The following GLRX3 variants were observed in gnomAD, a reference collection of about 807,000 sequenced individuals.
The protein encoded by GLRX3 is glutaredoxin 3, also known as glutaredoxin-3.
In GLRX3, 22 loss-of-function variants were observed where a neutral mutation model predicts 49.5. The ratio of observed to expected loss-of-function variants is 0.44; its 90% CI spans 0.32 to 0.63. The LOEUF is 0.63. Among genes scored for constraint, GLRX3 ranks in the 30% least tolerant of loss-of-function variants. GLRX3 has a pLI of 0.05. For synonymous variants in GLRX3, 133 were observed against 140.0 expected (o/e 0.95, Z 0.35); for missense variants, 385 against 396.3 (o/e 0.97, Z 0.24).
At chr10:130,156,654 C>T (rs947791263) in intron 2 of GLRX3, among the ~76,000 whole-genome samples, 5 of 152,164 alleles carry the variant, frequency 3.3e-5, no homozygotes, top group Non-Finnish European at 7.3e-5. Flanking sequence ...AGCTATTCGC[C>T]GTTACTGTCA....
intron 7 of GLRX3, among the ~76,000 whole-genome samples, chr10:130,169,950 TGAA>T (rs1862772937): frequency 6.6e-6 from 1 of 152,222 alleles, no homozygotes; most frequent in African/African-American, 2.4e-5. Flanking sequence ...GATGAATGAG[TGAA>T]ATGGTCAGCA....
intron 2 of GLRX3, chr10:130,159,719 C>A (rs752470544): frequency 5.5e-6 from 5 of 916,782 alleles, no homozygotes; most frequent in Non-Finnish European, 7.0e-6. Flanking sequence ...TACTAGGTCA[C>A]TAGTGCACCA....
At chr10:130,172,800 G>A (rs1259734817) in intron 8 of GLRX3, among the ~76,000 whole-genome samples, 1 of 152,090 alleles carries the variant, frequency 6.6e-6, no homozygotes, top group Non-Finnish European at 1.5e-5. Context: ...AAATTAGCCG[G>A]GTGCGGTGGC....
At position 130,160,848 on chromosome 10, in the gene GLRX3, A is replaced by C; in HGVS notation, c.329A>C (p.Lys110Thr). The change falls in exon 4 of 11, where the codon AAA (lysine) becomes ACA (threonine). Residue 110 changes from lysine (K) to threonine (T), a missense_variant. Lys to Thr is a moderately conservative substitution (Grantham distance 78). This residue lies in a region of GLRX3 where 374 missense variants were observed against 358.6 expected (regional missense o/e 1.04). Coordinates refer to ENST00000331244, the MANE Select transcript of GLRX3 (RefSeq NM_006541.5). ...GGTGCACATGCCCCAGAGTTGACCAAAAAAGTTCAGCGACATGCATCTAGT... is the reference window on the plus strand; with the variant it reads ...GGTGCACATGCCCCAGAGTTGACCACAAAAGTTCAGCGACATGCATCTAGT... Reference protein sequence around the residue: ...LDGAHAPELTKKVQRHASSGS... With the variant: ...LDGAHAPELTTKVQRHASSGS... The C allele has an allele frequency of 6.2e-7, 1 of 1,611,976 alleles. No homozygotes were observed. Among genetic ancestry groups the C allele is most frequent in the Non-Finnish European group, 8.5e-7 (1 of 1,178,002 alleles).
At chr10:130,137,051 G>A (rs1862069647) in intron 1 of GLRX3, among the ~76,000 whole-genome samples, 1 of 151,994 alleles carries the variant, frequency 6.6e-6, no homozygotes, top group Non-Finnish European at 1.5e-5. Flanking sequence ...AGCGGCGAGG[G>A]AAGGCCCCGT....
intron 1 of GLRX3, among the ~76,000 whole-genome samples, chr10:130,138,036 A>G (rs991969860): frequency 3.3e-5 from 5 of 151,968 alleles, no homozygotes; most frequent in Admixed American, 1.3e-4. Context: ...ACGTCCGGCC[A>G]GAAATGCTTA....
intron 2 of GLRX3, among the ~76,000 whole-genome samples, chr10:130,147,505 G>C (rs1267835593): frequency 6.6e-6 from 1 of 152,166 alleles, no homozygotes; most frequent in African/African-American, 2.4e-5. Flanking sequence ...GGGTTGTGGG[G>C]GATACCTGAG....
At position 130,179,485 on chromosome 10, in the gene GLRX3, A is replaced by G; in HGVS notation, c.*93A>G. ...TAGTCCTCAGAAATGGACTAGGAAT[A>G]GAAAATTCCTGCTTTCTCAGTTACA... On this transcript the variant is annotated 3_prime_UTR_variant, in exon 11 of 11. Coordinates refer to ENST00000331244, the MANE Select transcript of GLRX3 (RefSeq NM_006541.5). 1.4e-6 allele frequency: 1 copy of G among 703,614 alleles called. No individual in the cohort carries two copies. Among genetic ancestry groups the G allele is most frequent in the East Asian group, 2.8e-5 (1 of 35,134 alleles). The allele number at this position is 703,614 out of a possible 1,614,324, so 43.6% of individuals were successfully genotyped here.
At chr10:130,148,880 T>C (rs1405624235) in intron 2 of GLRX3, among the ~76,000 whole-genome samples, 2 of 151,794 alleles carry the variant, frequency 1.3e-5, no homozygotes, top group African/African-American at 4.8e-5. Context: ...CTGGGCAACA[T>C]AGGGAGACTT....
intron 2 of GLRX3, among the ~76,000 whole-genome samples, chr10:130,154,118 A>G (rs1295064420): frequency 2.6e-5 from 4 of 152,218 alleles, no homozygotes; most frequent in Admixed American, 6.5e-5. Context: ...GCAAGGCTCC[A>G]TGGGTGTGGG....
intron 2 of GLRX3, among the ~76,000 whole-genome samples, chr10:130,154,325 C>T (rs1176525810): frequency 2.0e-5 from 3 of 152,166 alleles, no homozygotes; most frequent in Admixed American, 6.5e-5. Flanking sequence ...TTTGGCTCGC[C>T]CTCCATGGGC....
At chr10:130,158,096 G>A (rs1418051321) in intron 2 of GLRX3, among the ~76,000 whole-genome samples, 1 of 152,176 alleles carries the variant, frequency 6.6e-6, no homozygotes, top group Non-Finnish European at 1.5e-5. Flanking sequence ...CTGATTGAGT[G>A]GAGGCAGTTG....
rs755686208 is a variant in GLRX3 at position 130,166,472 on chromosome 10, GAAGTT to G, written c.479-30_479-26del. 28 of 1,540,794 alleles carry G rather than the reference GAAGTT, an allele frequency of 1.8e-5. No homozygotes were observed. In the Admixed American group the frequency reaches 1.8e-4, roughly 10 times the overall value. On this transcript the variant is annotated intron_variant, in intron 4 of 10. Transcript: ENST00000331244. ...TCATGTGTATGTGTTTTGGGAGAGA[GAAGTT>G]AAGTGCTTTATTTCTTTTTTTGTGT...
At chr10:130,172,983 T>G (rs1372448185) in intron 8 of GLRX3, among the ~76,000 whole-genome samples, 1 of 152,214 alleles carries the variant, frequency 6.6e-6, no homozygotes, top group African/African-American at 2.4e-5. Flanking sequence ...CTATGACATT[T>G]TATAGAAGCA....
intron 2 of GLRX3, among the ~76,000 whole-genome samples, chr10:130,154,218 A>AT (rs1428241353): frequency 6.6e-6 from 1 of 152,178 alleles, no homozygotes; most frequent in Non-Finnish European, 1.5e-5. Context: ...GAAGTGTACC[A>AT]TTCCTTCAGG....
At chr10:130,174,686 G>A (rs1862879727) in intron 8 of GLRX3, among the ~76,000 whole-genome samples, 181 bp from the exon 9 acceptor site, 1 of 152,184 alleles carries the variant, frequency 6.6e-6, no homozygotes, top group African/African-American at 2.4e-5. Context: ...TCATATGTTG[G>A]AATGACTAAT....
intron 6 of GLRX3, among the ~76,000 whole-genome samples, chr10:130,168,311 C>T (rs902429045): frequency 1.3e-5 from 2 of 152,156 alleles, no homozygotes; most frequent in Admixed American, 1.3e-4. Context: ...GTTGGGTTGT[C>T]AGGGTCAGCA....
chr10:130,166,981 G>T lies in GLRX3; in HGVS notation c.713+1G>T. The T allele has an allele frequency of 6.4e-7, 1 of 1,560,288 alleles. No homozygotes were observed. The highest frequency in any genetic ancestry group is 8.8e-7 in the Non-Finnish European group (1 of 1,139,418). On this transcript the variant is annotated splice_donor_variant, in intron 6 of 10. Transcript: ENST00000331244. LOFTEE classifies it high-confidence loss of function. ...CCAAAGCTCCCAAATTAGAGGAAAGGTAAGTGTTTTAGAAGGTTTCAAATA... is the reference window on the plus strand; with the variant it reads ...CCAAAGCTCCCAAATTAGAGGAAAGTTAAGTGTTTTAGAAGGTTTCAAATA...
chr10:130,158,830 G>C (rs1003189595), intron 2 of GLRX3, among the ~76,000 whole-genome samples: 43 of 152,020 alleles, frequency 2.8e-4, no homozygotes, highest in Non-Finnish European at 3.8e-4. Flanking sequence ...TTTCATATAA[G>C]TACATTTTAA....
Sources: gnomAD v4.1 joint callset for allele counts (sites outside exome capture counted in the v4.1 genomes callset) on GRCh38, gnomAD v4.1.1 for gene constraint, gnomAD v4.1.1 regional missense constraint, MANE v1.5 for transcripts, NCBI Gene and HGNC (gene_info 2026-07-23, HGNC 2026-07-21) for gene names.